Variants in GRID1 observed in about 807,000 individuals in gnomAD.
GRID1 encodes the protein glutamate receptor ionotropic, delta-1.
Under a neutral mutation model 98.0 loss-of-function variants are expected in GRID1, and 28 were observed. That is an observed-to-expected ratio of 0.29 (90% CI 0.21 to 0.39). The LOEUF (loss-of-function observed/expected upper bound fraction) is 0.39, where lower values mean the gene tolerates loss of function less well. Among genes scored for constraint, GRID1 ranks in the 10% least tolerant of loss-of-function variants. The pLI, the probability that GRID1 is intolerant of heterozygous loss-of-function variation, is 1.00. For missense variants in GRID1, 1,111 were observed against 1,340.5 expected, an observed-to-expected ratio of 0.83 and a Z score of 2.67; for synonymous variants, 553 against 538.5, an observed-to-expected ratio of 1.03 and a Z score of -0.37.
In GRID1 at chr10:86,206,006, C is replaced by G. The variant is rs1846020110; in HGVS notation, c.520+358G>C. On this transcript the variant is annotated intron_variant, in intron 3 of 15. Transcript: ENST00000327946. This position sits in a 1 kb window ranked among gnomAD's most constrained non-coding sequence, Gnocchi z 4.1. Reference sequence around the variant, plus strand: ...CCAGGCAATCGTCCAGTGTGAAGGGCACTCTTTGGAGAGGAGACCTCCAGG... The same window carrying G: ...CCAGGCAATCGTCCAGTGTGAAGGGGACTCTTTGGAGAGGAGACCTCCAGG... Among the ~76,000 whole-genome samples the G allele has an allele frequency of 6.6e-6, 1 of 152,206 alleles. No homozygotes were observed.
chr10:85,602,743 T>A (rs1274752433), intron 15 of GRID1, 42 bp from the exon 16 acceptor site: 13 of 1,467,218 alleles, frequency 8.9e-6, no homozygotes, highest in Non-Finnish European at 1.1e-5. Context: ...GCCCTAACAG[T>A]GAGTCAAGGC....
At chr10:85,678,875 C>A (rs924734009) in intron 12 of GRID1, among the ~76,000 whole-genome samples, 3 of 152,122 alleles carry the variant, frequency 2.0e-5, no homozygotes, top group African/African-American at 7.2e-5. Flanking sequence ...ATTTAAATTG[C>A]ACCCTGAGCA....
At chr10:85,843,119 AC>A (rs1030401721) in intron 8 of GRID1, among the ~76,000 whole-genome samples, 2 of 152,150 alleles carry the variant, frequency 1.3e-5, no homozygotes, top group Admixed American at 1.3e-4. Context: ...AGACTAGAGA[AC>A]CCAGAAATAG....
intron 4 of GRID1, among the ~76,000 whole-genome samples, chr10:85,979,820 G>A (rs1005189841): frequency 6.6e-6 from 1 of 152,192 alleles, no homozygotes; most frequent in Non-Finnish European, 1.5e-5. Context: ...AAGAGGCCAG[G>A]AGGACAGGCA....
chr10:86,330,673 T>G (rs912955627), intron 2 of GRID1, among the ~76,000 whole-genome samples: 1 of 152,174 alleles, frequency 6.6e-6, no homozygotes, highest in African/African-American at 2.4e-5. Context: ...TGAGGCCACA[T>G]AGCCAGGAAG....
At chr10:85,829,253 T>C (rs1442939189) in intron 8 of GRID1, among the ~76,000 whole-genome samples, 1 of 152,054 alleles carries the variant, frequency 6.6e-6, no homozygotes, top group Admixed American at 6.6e-5. Context: ...AAATGGAACA[T>C]TCCTTAATGT....
intron 12 of GRID1, among the ~76,000 whole-genome samples, chr10:85,699,216 C>T (rs1416569984): frequency 1.3e-5 from 2 of 152,012 alleles, no homozygotes. Flanking sequence ...CCACACCTGG[C>T]TAATTTTTGT....
intron 8 of GRID1, among the ~76,000 whole-genome samples, chr10:85,838,688 A>T (rs1842934076): frequency 6.6e-6 from 1 of 152,226 alleles, no homozygotes; most frequent in Admixed American, 6.5e-5. Context: ...CAGCTACTAC[A>T]AAAATACACT....
chr10:85,774,769 C>T (rs1407851031), intron 8 of GRID1, among the ~76,000 whole-genome samples: 4 of 149,938 alleles, frequency 2.7e-5, no homozygotes, highest in Non-Finnish European at 4.5e-5. Context: ...ATCAAAACCA[C>T]AATGAGATAC....
intron 5 of GRID1, among the ~76,000 whole-genome samples, chr10:85,898,296 T>G (rs1359624086): frequency 6.6e-6 from 1 of 152,260 alleles, no homozygotes; most frequent in African/African-American, 2.4e-5. Flanking sequence ...GAACAGGAAG[T>G]TGCTCTGGGT....
intron 8 of GRID1, among the ~76,000 whole-genome samples, chr10:85,771,140 A>G (rs912592561): frequency 6.6e-6 from 1 of 152,266 alleles, no homozygotes. Flanking sequence ...GAAACTCTAC[A>G]AGCCAGAAGA....
intron 8 of GRID1, among the ~76,000 whole-genome samples, chr10:85,735,620 T>C (rs1188657943): frequency 1.3e-5 from 2 of 152,168 alleles, no homozygotes; most frequent in African/African-American, 4.8e-5. Flanking sequence ...CTTTGGAAGA[T>C]TGGGCTTTGT....
intron 3 of GRID1, among the ~76,000 whole-genome samples, chr10:86,202,309 G>A (rs540347817): frequency 8.5e-5 from 13 of 152,320 alleles, no homozygotes; most frequent in Middle Eastern, 3.4e-3. Flanking sequence ...TAGGGATTCC[G>A]TGAATATTTT....
chr10:86,113,638 G>T (rs1222462215), intron 4 of GRID1, among the ~76,000 whole-genome samples: 2 of 152,282 alleles, frequency 1.3e-5, no homozygotes, highest in African/African-American at 2.4e-5. Flanking sequence ...GGCCTCGCCT[G>T]GTTTACCCCC....
chr10:86,318,847 C>T (rs1222561754), intron 2 of GRID1, among the ~76,000 whole-genome samples: 6 of 152,192 alleles, frequency 3.9e-5, no homozygotes, highest in Non-Finnish European at 7.3e-5. Flanking sequence ...TCATGGAGCT[C>T]CATTCTAGCA....
chr10:85,968,694 A>G (rs1193840498), intron 4 of GRID1, among the ~76,000 whole-genome samples: 1 of 152,174 alleles, frequency 6.6e-6, no homozygotes, highest in African/African-American at 2.4e-5. Context: ...AAAAATAACT[A>G]AAAAATATAT....
At chr10:86,105,253 G>C (rs1329364841) in intron 4 of GRID1, among the ~76,000 whole-genome samples, 3 of 152,164 alleles carry the variant, frequency 2.0e-5, no homozygotes, top group African/African-American at 4.8e-5. Context: ...GTCTGCCCAA[G>C]AAGACAGTGA....
chr10:85,812,468 G>T (rs1842680259), intron 8 of GRID1, among the ~76,000 whole-genome samples: 1 of 152,136 alleles, frequency 6.6e-6, no homozygotes, highest in Non-Finnish European at 1.5e-5. Context: ...TGGCAGTGAT[G>T]TATAGTGGCT....
rs970414750 is a variant in GRID1, at chr10:85,856,286, C to T, written c.952-96G>A. 1.3e-5 allele frequency: 15 copies of T among 1,115,024 alleles called. 1 individual carries two copies. Among genetic ancestry groups the T allele is most frequent in the African/African-American group, 6.1e-5 (4 of 65,422 alleles). 69.1% of individuals were successfully genotyped at this position (1,115,024 alleles called of 1,614,324 possible). On this transcript the variant is annotated intron_variant, in intron 6 of 15. Transcript: ENST00000327946. ...AAGGAGGAGGAATGCAGGATGCCAACATTAAGCTGTGGTGCCCAGTATCTA... is the reference window on the plus strand; with the variant it reads ...AAGGAGGAGGAATGCAGGATGCCAATATTAAGCTGTGGTGCCCAGTATCTA...
Sources: allele counts gnomAD v4.1 joint callset (sites outside exome capture counted in the v4.1 genomes callset), GRCh38; gene constraint gnomAD v4.1.1; non-coding constraint Gnocchi (gnomAD v3.1); transcripts MANE v1.5; gene names NCBI Gene and HGNC (gene_info 2026-07-23, HGNC 2026-07-21).